The following TRHDE variants were observed in gnomAD, a reference collection of about 807,000 sequenced individuals.
TRHDE encodes thyrotropin releasing hormone degrading enzyme.
A neutral mutation model predicts 125.7 loss-of-function variants in TRHDE; 72 were observed. The ratio of observed to expected loss-of-function variants is 0.57; its 90% confidence interval spans 0.47 to 0.70. TRHDE has a LOEUF of 0.70. Among genes scored for constraint, TRHDE ranks in the 30% least tolerant of loss-of-function variants. The pLI is 0.00. For missense variants in TRHDE, 1,110 were observed against 1,327.1 expected (o/e 0.84, Z 2.54); for synonymous variants, 509 against 509.1 (o/e 1.00, Z 0.00).
intron 6 of TRHDE, among the ~76,000 whole-genome samples, chr12:72,510,666 AT>A (rs760806658): frequency 1.4e-4 from 21 of 152,180 alleles, no homozygotes; most frequent in Non-Finnish European, 2.5e-4. Flanking sequence ...ATGAAAAAAA[AT>A]GTCTTATTTA....
At chr12:72,390,107 C>G (rs1423198013) in intron 3 of TRHDE, among the ~76,000 whole-genome samples, 1 of 152,096 alleles carries the variant, frequency 6.6e-6, no homozygotes, top group African/African-American at 2.4e-5. Context: ...TTTTGTTTTC[C>G]CATGTGGTTT....
At chr12:72,330,517 C>G (rs1188248950) in intron 2 of TRHDE, among the ~76,000 whole-genome samples, 1 of 152,174 alleles carries the variant, frequency 6.6e-6, no homozygotes, top group Non-Finnish European at 1.5e-5. Flanking sequence ...GGTCATGCTT[C>G]TGCAGCCAGG....
intron 3 of TRHDE, among the ~76,000 whole-genome samples, chr12:72,424,946 A>G (rs1874120744): frequency 6.6e-6 from 1 of 152,194 alleles, no homozygotes. Flanking sequence ...TAAAACTGAA[A>G]TCACAGAAAG....
At chr12:72,652,514 T>A in intron 16 of TRHDE, 25 bp downstream of exon 16, 1 of 1,548,444 alleles carries the variant, frequency 6.5e-7, no homozygotes. Flanking sequence ...TTTCTAAATG[T>A]GTTTCTCTAA....
chr12:72,463,644 A>C (rs1876230218), intron 3 of TRHDE, among the ~76,000 whole-genome samples: 1 of 152,150 alleles, frequency 6.6e-6, no homozygotes. Flanking sequence ...ACTCTTTCAC[A>C]CTGGAGCCAG....
chr12:72,198,717 T>G (rs1442477530), intron 2 of TRHDE, among the ~76,000 whole-genome samples: 2 of 152,206 alleles, frequency 1.3e-5, no homozygotes, highest in Non-Finnish European at 2.9e-5. Context: ...ATGGAAAGAT[T>G]GCAGTAGATC....
At chr12:72,321,345 A>G (rs915908115) in intron 2 of TRHDE, among the ~76,000 whole-genome samples, 1 of 152,144 alleles carries the variant, frequency 6.6e-6, no homozygotes, top group African/African-American at 2.4e-5. Context: ...TTTTTCTCCA[A>G]ATAATTTGGG....
At chr12:72,261,659 G>T (rs1403917229) in intron 2 of TRHDE, among the ~76,000 whole-genome samples, 1 of 152,042 alleles carries the variant, frequency 6.6e-6, no homozygotes, top group Non-Finnish European at 1.5e-5. Flanking sequence ...GAGTTTGTGG[G>T]CAAAATGGTA....
intron 6 of TRHDE, among the ~76,000 whole-genome samples, chr12:72,519,056 T>C (rs1405335911): frequency 1.3e-5 from 2 of 152,228 alleles, no homozygotes; most frequent in Non-Finnish European, 2.9e-5. Context: ...TAACCCAACC[T>C]TTCCCTCTGG....
At chr12:72,157,551 C>A (rs1876545397) in intron 2 of TRHDE, among the ~76,000 whole-genome samples, 1 of 152,114 alleles carries the variant, frequency 6.6e-6, no homozygotes, top group Admixed American at 6.5e-5. Context: ...ATAGGATTTG[C>A]TGATGGATTG....
At position 72,234,397 on chromosome 12, in the gene TRHDE, G is replaced by A. The variant is rs1404440386; in HGVS notation, n.279+128645G>A. ...TTCTCAGTCAAGCAGGGAAATTAGG[G>A]TTATTTTCATGTAAAAGATGCACAC... On this transcript the variant is annotated intron_variant and non_coding_transcript_variant, in intron 2 of 4. Coordinates refer to the TRHDE transcript ENST00000548156. Among the ~76,000 whole-genome samples, 4 of 151,992 alleles carry A rather than the reference G, an allele frequency of 2.6e-5. No individual in the cohort carries two copies. In the South Asian group the frequency reaches 8.3e-4, roughly 32 times the overall value.
chr12:72,228,405 T>A (rs537053673), intron 2 of TRHDE, among the ~76,000 whole-genome samples: 4 of 152,230 alleles, frequency 2.6e-5, no homozygotes, highest in African/African-American at 4.8e-5. Context: ...ATGGCGTGAA[T>A]GCAGGGGACC....
At chr12:72,280,979 C>A (rs1402299984) in intron 1 of TRHDE, among the ~76,000 whole-genome samples, 2 of 152,108 alleles carry the variant, frequency 1.3e-5, no homozygotes, top group Admixed American at 1.3e-4. Context: ...CTGGGAAAGT[C>A]ATTTTAATGC....
chr12:72,248,801 C>T (rs10784958), intron 2 of TRHDE, among the ~76,000 whole-genome samples: 118,740 of 152,126 alleles, frequency 0.78, 47,050 homozygotes, highest in Non-Finnish European at 0.85. Context: ...CAAATTCTTA[C>T]AGTTAATGCT....
chr12:72,593,689 C>G (rs547479338), intron 12 of TRHDE, among the ~76,000 whole-genome samples: 2 of 152,060 alleles, frequency 1.3e-5, no homozygotes, highest in African/African-American at 4.8e-5. Flanking sequence ...CTGACAGGCC[C>G]TGTGTGTAAT....
At chr12:72,653,750 C>T (rs1247294327) in intron 17 of TRHDE, among the ~76,000 whole-genome samples, 4 of 152,030 alleles carry the variant, frequency 2.6e-5, no homozygotes, top group Non-Finnish European at 5.9e-5. Context: ...ATAATACACA[C>T]TAATTTATTA....
chr12:72,562,121 C>T (rs2272507), intron 7 of TRHDE, 44 bp from the exon 8 acceptor site: 132,519 of 876,512 alleles, frequency 0.15, 13,321 homozygotes, highest in East Asian at 0.48. Flanking sequence ...TTACTAGTTA[C>T]TGTTTAACCT....
intron 2 of TRHDE, among the ~76,000 whole-genome samples, chr12:72,298,950 A>C (rs892699456): frequency 6.6e-6 from 1 of 152,190 alleles, no homozygotes; most frequent in African/African-American, 2.4e-5. Flanking sequence ...TTTAGGTTGC[A>C]GTTGGCATGA....
intron 15 of TRHDE, among the ~76,000 whole-genome samples, chr12:72,645,283 A>G (rs986293823): frequency 6.6e-6 from 1 of 152,188 alleles, no homozygotes; most frequent in Non-Finnish European, 1.5e-5. Context: ...TAAAAGTACT[A>G]AACAGGTGAT....
Sources: gnomAD v4.1 joint callset for allele counts (sites outside exome capture counted in the v4.1 genomes callset) on GRCh38, gnomAD v4.1.1 for gene constraint, MANE v1.5 for transcripts, NCBI Gene and HGNC (gene_info 2026-07-23, HGNC 2026-07-21) for gene names.